The following NDST3 variants were observed in gnomAD, a reference collection of about 807,000 sequenced individuals.
NDST3 encodes N-deacetylase and N-sulfotransferase 3.
Under a neutral mutation model 96.1 loss-of-function variants are expected in NDST3, and 58 were observed. The observed-to-expected ratio is 0.60, with a 90% CI of 0.49 to 0.75. The LOEUF (loss-of-function observed/expected upper bound fraction) is 0.75, where lower values mean the gene tolerates loss of function less well. Ranked by LOEUF, NDST3 falls within the 30% of genes least tolerant of loss-of-function variation. NDST3 has a pLI of 0.00. For missense variants in NDST3, 788 were observed against 1,034.2 expected (o/e 0.76, Z 3.27); for synonymous variants, 333 against 359.7 (o/e 0.93, Z 0.84).
At chr4:118,242,212 C>A (rs1741050773) in intron 12 of NDST3, 63 bp downstream of exon 12, 2 of 1,154,562 alleles carry the variant, frequency 1.7e-6, no homozygotes, top group Non-Finnish European at 2.5e-6. Context: ...AAAGAAATTG[C>A]AGTTTGGTCA....
intron 2 of NDST3, among the ~76,000 whole-genome samples, chr4:118,066,190 T>A (rs1240229073): frequency 7.9e-5 from 5 of 63,652 alleles, no homozygotes; most frequent in Non-Finnish European, 2.8e-5. Flanking sequence ...TTATATATCT[T>A]ATATATTATA....
At chr4:118,231,042 A>G (rs1354610105) in intron 8 of NDST3, among the ~76,000 whole-genome samples, 2 of 152,180 alleles carry the variant, frequency 1.3e-5, no homozygotes, top group Non-Finnish European at 2.9e-5. Flanking sequence ...TTCCATATTA[A>G]TACTATTTAA....
At chr4:118,119,390 C>A (rs1380851584) in intron 4 of NDST3, among the ~76,000 whole-genome samples, 1 of 152,168 alleles carries the variant, frequency 6.6e-6, no homozygotes, top group Non-Finnish European at 1.5e-5. Context: ...AATACTACCA[C>A]TTTTATTTCA....
intron 2 of NDST3, among the ~76,000 whole-genome samples, chr4:118,077,623 A>C (rs1994384): frequency 0.75 from 114,478 of 152,054 alleles, 45,741 homozygotes; most frequent in South Asian, 0.92. Flanking sequence ...CAGGTAATAT[A>C]CTTGCCCAGC....
At position 118,076,574 on chromosome 4, in the gene NDST3, G is replaced by A. The variant is rs535904519; in HGVS notation, c.981+21683G>A. Among the ~76,000 whole-genome samples the A allele has an allele frequency of 9.9e-5, 15 of 152,244 alleles. No homozygotes were observed. The South Asian group carries it at 2.9e-3, about 29-fold the overall frequency. ...AGCTTTGAGATTCTCTTCACAGATT[G>A]GTCTATTCTGCTGTTAATACTTTCA... On this transcript the variant is annotated intron_variant, in intron 2 of 13. Transcript: ENST00000296499.
intron 6 of NDST3, among the ~76,000 whole-genome samples, chr4:118,169,901 G>C (rs536560807): frequency 2.0e-5 from 3 of 152,202 alleles, no homozygotes; most frequent in Admixed American, 6.5e-5. Flanking sequence ...GCAGTGACTA[G>C]AGCATCTGTG....
intron 12 of NDST3, among the ~76,000 whole-genome samples, chr4:118,251,728 A>T (rs1426927717): frequency 6.6e-6 from 1 of 152,206 alleles, no homozygotes; most frequent in Non-Finnish European, 1.5e-5. Flanking sequence ...ATAGTATGAG[A>T]TCTCCAAATT....
chr4:118,116,586 A>C (rs968553050), intron 4 of NDST3, among the ~76,000 whole-genome samples: 2 of 152,198 alleles, frequency 1.3e-5, no homozygotes, highest in Non-Finnish European at 2.9e-5. Flanking sequence ...GGCTGGGTGC[A>C]GTGGCTCATG....
chr4:118,127,386 G>A (rs1732199908), intron 4 of NDST3, among the ~76,000 whole-genome samples: 3 of 151,922 alleles, frequency 2.0e-5, no homozygotes, highest in African/African-American at 7.2e-5. Flanking sequence ...ATAGACAGGG[G>A]TTCAGCTTAA....
chr4:118,182,989 G>A (rs1372201069), intron 6 of NDST3, among the ~76,000 whole-genome samples: 1 of 152,050 alleles, frequency 6.6e-6, no homozygotes, highest in East Asian at 1.9e-4. Flanking sequence ...GCAAGGGAAG[G>A]GATCAGAAAA....
intron 1 of NDST3, among the ~76,000 whole-genome samples, chr4:118,052,360 C>G (rs1328438491): frequency 6.6e-6 from 1 of 151,926 alleles, no homozygotes; most frequent in East Asian, 1.9e-4. Flanking sequence ...TACACAAGAA[C>G]AATAGACACT....
chr4:118,101,415 T>A (rs1472483521), intron 2 of NDST3, among the ~76,000 whole-genome samples: 2 of 151,958 alleles, frequency 1.3e-5, no homozygotes, highest in African/African-American at 4.8e-5. Flanking sequence ...AGATTAAAAT[T>A]TGGAAAGATA....
In NDST3 at chr4:118,233,021, C is replaced by T. The variant is rs1202295876; in HGVS notation, c.1829C>T (p.Ala610Val). The T allele has an allele frequency of 1.2e-6, 2 of 1,611,940 alleles. No individual in the cohort carries two copies. The highest frequency in any genetic ancestry group is 3.3e-5 in the Admixed American group (2 of 59,930). Residue 610 changes from alanine to valine, a missense_variant, in exon 9 of 14, where the codon GCT (alanine) becomes GTT (valine). By Grantham distance (64) the Ala-to-Val change is moderately conservative. Around this residue, in one of 3 missense-constraint regions of NDST3, gnomAD observed 490 missense variants for 708.8 expected, o/e 0.69. Transcript: ENST00000296499. ...TCTATTGTCTTTCTAGGTACCACTG[C>T]TTTGTATTTGTTCCTGGTTATGCAT... Reference protein sequence around the residue: ...VIGPQKTGTTALYLFLVMHPS... With the variant: ...VIGPQKTGTTVLYLFLVMHPS...
chr4:118,186,998 G>A (rs1737006189), intron 6 of NDST3, among the ~76,000 whole-genome samples: 1 of 152,180 alleles, frequency 6.6e-6, no homozygotes, highest in African/African-American at 2.4e-5. Flanking sequence ...TGACCATGAG[G>A]AGGATAATAC....
intron 7 of NDST3, 100 bp downstream of exon 7, chr4:118,224,773 C>T: frequency 1.9e-6 from 2 of 1,049,604 alleles, no homozygotes; most frequent in Non-Finnish European, 2.7e-6. Flanking sequence ...AAAAAACCTG[C>T]ATTTTGGAAA....
intron 2 of NDST3, among the ~76,000 whole-genome samples, chr4:118,066,153 T>TACATA (rs1726337227): frequency 7.7e-5 from 1 of 13,004 alleles, no homozygotes; most frequent in African/African-American, 1.2e-4. Flanking sequence ...TTATATATTA[T>TACATA]ATATATTATA....
intron 6 of NDST3, chr4:118,193,397 G>A (rs1215137634): frequency 2.4e-5 from 15 of 630,130 alleles, no homozygotes; most frequent in Non-Finnish European, 3.4e-5. Flanking sequence ...AGGGCTGGTG[G>A]AGAGGGGCTA....
chr4:118,214,955 T>C (rs1321070425), intron 6 of NDST3, among the ~76,000 whole-genome samples: 1 of 152,148 alleles, frequency 6.6e-6, no homozygotes, highest in African/African-American at 2.4e-5. Flanking sequence ...ATTATTTAGC[T>C]GGTTAGGTGC....
chr4:118,204,072 C>T (rs1012108942), intron 6 of NDST3, among the ~76,000 whole-genome samples: 1 of 152,136 alleles, frequency 6.6e-6, no homozygotes, highest in African/African-American at 2.4e-5. Flanking sequence ...GACTTCCAAA[C>T]CTAGTTTCGA....
Sources: gnomAD v4.1 joint callset for allele counts (sites outside exome capture counted in the v4.1 genomes callset) on GRCh38, gnomAD v4.1.1 for gene constraint, gnomAD v4.1.1 regional missense constraint, MANE v1.5 for transcripts, NCBI Gene and HGNC (gene_info 2026-07-23, HGNC 2026-07-21) for gene names.